Variants in PUM2 observed in about 807,000 individuals in gnomAD.
PUM2 encodes pumilio homolog 2.
A neutral mutation model predicts 124.5 loss-of-function variants in PUM2; 57 were observed. The observed-to-expected ratio is 0.46, with a 90% CI of 0.37 to 0.57. The LOEUF is 0.57. Among genes scored for constraint, PUM2 ranks in the 20% least tolerant of loss-of-function variants. The probability of loss-of-function intolerance (pLI) is 0.00; values close to 1 mark genes in which losing one functional copy is unlikely to be tolerated. For synonymous variants in PUM2, 460 were observed against 446.1 expected (o/e 1.03, Z -0.39); for missense variants, 1,065 against 1,290.6 (o/e 0.83, Z 2.68).
intron 13 of PUM2, among the ~76,000 whole-genome samples, chr2:20,275,190 G>T (rs1479775527): frequency 2.6e-5 from 4 of 151,702 alleles, no homozygotes; most frequent in Non-Finnish European, 1.5e-5. Context: ...CCAATATAAA[G>T]GGGCTCCAAG....
rs4580351 is a variant in PUM2, at chr2:20,276,169, A to G, written c.1957+2414T>C. Among the ~76,000 whole-genome samples the G allele has an allele frequency of 7.1e-3, 1,075 of 152,200 alleles. 19 individuals are homozygous for G. The highest frequency in any genetic ancestry group is 0.024 in the African/African-American group (1,008 of 41,574). On this transcript the variant is annotated intron_variant, in intron 13 of 20. Transcript: ENST00000361078. ...ATTAACACCCCAAAACTATGCACTG[A>G]AATTCTTATACTTCAACCCAAAAGT...
chr2:20,326,493 A>G, intron 2 of PUM2: 1 of 989,478 alleles, frequency 1.0e-6, no homozygotes, highest in South Asian at 1.4e-5. Context: ...AGGTCTGTTC[A>G]CTGTTATCTT....
In PUM2 at chr2:20,264,948, A is replaced by G. The variant is rs114925449; in HGVS notation, c.1958-1488T>C. On this transcript the variant is annotated intron_variant, in intron 13 of 20. Transcript: ENST00000361078. ...TTCATTGAACTTCCTATTACATAGC[A>G]TATTATGCATTATTTATTTGAATCC... Among the ~76,000 whole-genome samples, 1,072 of 152,156 alleles carry G rather than the reference A, an allele frequency of 7.0e-3. 18 individuals carry two copies. The highest frequency in any genetic ancestry group is 0.025 in the African/African-American group (1,034 of 41,516).
intron 2 of PUM2, among the ~76,000 whole-genome samples, chr2:20,325,746 C>A (rs539654415): frequency 6.6e-6 from 1 of 152,016 alleles, no homozygotes; most frequent in Non-Finnish European, 1.5e-5. Flanking sequence ...CTCAGCCTCC[C>A]GAGTAGCTGG....
At position 20,323,504 on chromosome 2, in the gene PUM2, G is replaced by A. The variant is rs1450289945; in HGVS notation, c.51+3806C>T. Among the ~76,000 whole-genome samples the A allele has an allele frequency of 3.3e-5, 5 of 151,414 alleles. No individual in the cohort carries two copies. The South Asian group carries it at 8.4e-4, about 25-fold the overall frequency. The stretch of plus-strand genomic sequence containing the variant: ...TACACAGCAGACACATAAATATTAG[G>A]TATCTTCACTACCAACAGTATGAAT... On this transcript the variant is annotated intron_variant, in intron 2 of 20. Transcript: ENST00000361078.
chr2:20,316,163 T>C (rs1428534912), intron 3 of PUM2, among the ~76,000 whole-genome samples: 7 of 152,218 alleles, frequency 4.6e-5, no homozygotes, highest in Non-Finnish European at 1.0e-4. Context: ...CACATATTAG[T>C]TGAACTCAAA....
chr2:20,350,869 A>G (rs1240224552), upstream of PUM2: 2 of 797,274 alleles, frequency 2.5e-6, no homozygotes, highest in Non-Finnish European at 3.0e-6. Flanking sequence ...GGGCGCGCGC[A>G]GTGCACCCCG....
chr2:20,251,833 A>G, intron 20 of PUM2, 117 bp from the exon 21 acceptor site: 1 of 1,268,938 alleles, frequency 7.9e-7, no homozygotes, highest in East Asian at 2.4e-5. Flanking sequence ...AAAAATTTAA[A>G]TCCAAAGAAA....
At chr2:20,275,952 A>G (rs1670134163) in intron 13 of PUM2, among the ~76,000 whole-genome samples, 1 of 152,138 alleles carries the variant, frequency 6.6e-6, no homozygotes, top group African/African-American at 2.4e-5. Flanking sequence ...TAAGTCAATT[A>G]GGGAGATTAG....
intron 4 of PUM2, 103 bp downstream of exon 4, chr2:20,312,133 C>T: frequency 9.2e-7 from 1 of 1,088,242 alleles, no homozygotes; most frequent in Non-Finnish European, 1.3e-6. Flanking sequence ...TTTCTCTTAG[C>T]TATAGGAAGG....
upstream of PUM2, among the ~76,000 whole-genome samples, chr2:20,351,080 C>G (rs745577084): frequency 1.3e-5 from 2 of 152,204 alleles, no homozygotes; most frequent in African/African-American, 2.4e-5. Context: ...TGGGCTCCGC[C>G]GCGGCGGGCT....
At chr2:20,303,429 T>A (rs1209075122) in intron 7 of PUM2, among the ~76,000 whole-genome samples, 1 of 144,898 alleles carries the variant, frequency 6.9e-6, no homozygotes, top group Admixed American at 7.1e-5. Flanking sequence ...AAAATCAAGC[T>A]TTCAAGTTTT....
At chr2:20,266,860 A>G (rs1667783199) in intron 13 of PUM2, among the ~76,000 whole-genome samples, 1 of 152,148 alleles carries the variant, frequency 6.6e-6, no homozygotes, top group African/African-American at 2.4e-5. Flanking sequence ...TTATAAAGGT[A>G]ATCAGTGTGA....
chr2:20,251,377 A>G lies in PUM2; in HGVS notation c.*208T>C, dbSNP rs1489052904. The G allele has an allele frequency of 3.9e-6, 2 of 509,126 alleles. No homozygotes were observed. The highest frequency in any genetic ancestry group is 7.2e-5 in the East Asian group (2 of 27,864). 31.5% of individuals were successfully genotyped at this position (509,126 alleles called of 1,614,324 possible). A position where few individuals can be genotyped will look rare whatever the true frequency, so the allele number is the denominator to read the frequency against. ...AATCCAATCTGATAGGTCTCCACTC[A>G]GGGCTGAATATAATTTATAATTCAT... On this transcript the variant is annotated 3_prime_UTR_variant, in exon 21 of 21. Transcript: ENST00000361078.
chr2:20,326,529 T>C (rs1260803483), intron 2 of PUM2: 4 of 660,336 alleles, frequency 6.1e-6, no homozygotes, highest in Non-Finnish European at 9.0e-6. Flanking sequence ...ACGTTAGTAG[T>C]ACAGAACATG....
rs778093583 is a variant in PUM2 at position 20,282,975 on chromosome 2, G to C, written c.1692C>G (p.Gly564=). 6.2e-7 allele frequency: 1 copy of C among 1,613,994 alleles called. No individual in the cohort carries two copies. Among genetic ancestry groups the C allele is most frequent in the Non-Finnish European group, 8.5e-7 (1 of 1,179,998 alleles). ...GSGNSLGAAI[G]SALSGFGSSV... is the part of the protein sequence containing the mutation. ...ATGAACCAAATCCACTGAGGGCTGA[G>C]CCTATAGCAGCACCCAAAGAGTTAC... Residue 564 remains glycine, a synonymous_variant, in exon 12 of 21, where the codon GGC becomes GGG. Transcript: ENST00000361078.
At chr2:20,274,740 T>C (rs1669795073) in intron 13 of PUM2, among the ~76,000 whole-genome samples, 1 of 151,554 alleles carries the variant, frequency 6.6e-6, no homozygotes, top group Non-Finnish European at 1.5e-5. Context: ...CTAAGTTAAA[T>C]AACAAAAATA....
intron 5 of PUM2, among the ~76,000 whole-genome samples, chr2:20,311,099 T>TAG (rs765456247): frequency 6.6e-5 from 10 of 151,752 alleles, no homozygotes; most frequent in Non-Finnish European, 1.5e-4. Context: ...AGGGCATATA[T>TAG]ACTCAGAAGG....
At chr2:20,288,721 A>T (rs1673297413) in intron 10 of PUM2, among the ~76,000 whole-genome samples, 1 of 152,210 alleles carries the variant, frequency 6.6e-6, no homozygotes, top group African/African-American at 2.4e-5. Flanking sequence ...CGATTTTCTC[A>T]AGTGAGCCCT....
Sources: gnomAD v4.1 joint callset for allele counts (sites outside exome capture counted in the v4.1 genomes callset) on GRCh38, gnomAD v4.1.1 for gene constraint, MANE v1.5 for transcripts, NCBI Gene and HGNC (gene_info 2026-07-23, HGNC 2026-07-21) for gene names.